The following PRKAG2 variants were observed in gnomAD, a reference collection of about 807,000 sequenced individuals.
PRKAG2 encodes protein kinase AMP-activated non-catalytic subunit gamma 2.
In PRKAG2, 26 loss-of-function variants were observed where a neutral mutation model predicts 69.6. The observed-to-expected ratio is 0.37, with a 90% confidence interval of 0.27 to 0.52. The LOEUF is 0.52. Among genes scored for constraint, PRKAG2 ranks in the 20% least tolerant of loss-of-function variants. The pLI is 0.90. For synonymous variants in PRKAG2, 293 were observed against 285.0 expected, an observed-to-expected ratio of 1.03 and a Z score of -0.28; for missense variants, 557 against 740.0, an observed-to-expected ratio of 0.75 and a Z score of 2.87.
intron 1 of PRKAG2, among the ~76,000 whole-genome samples, chr7:151,818,777 C>T (rs1032607582): frequency 6.6e-6 from 1 of 152,196 alleles, no homozygotes; most frequent in Non-Finnish European, 1.5e-5. Flanking sequence ...GCTGGGGATT[C>T]GGGGCACGGC....
intron 3 of PRKAG2, among the ~76,000 whole-genome samples, chr7:151,745,626 C>G (rs2074231353): frequency 6.6e-6 from 1 of 152,174 alleles, no homozygotes; most frequent in Non-Finnish European, 1.5e-5. Context: ...CACAGCTCCA[C>G]TCACACCAGC....
intron 1 of PRKAG2, among the ~76,000 whole-genome samples, chr7:151,797,023 G>A (rs916834810): frequency 1.3e-5 from 2 of 151,976 alleles, no homozygotes; most frequent in South Asian, 2.1e-4. Flanking sequence ...GGGCACTACC[G>A]ACTCAAGGGA....
rs2078193816 is a variant in PRKAG2, at chr7:151,807,803, GA to G, written c.115-21263del. 6.6e-6 allele frequency among the ~76,000 whole-genome samples: 1 copy of G among 152,178 alleles called. No homozygotes were observed. Among genetic ancestry groups the G allele is most frequent in the Non-Finnish European group, 1.5e-5 (1 of 68,034 alleles). ...CGGGTTATTGGATTAGCTACTCTCAGAAGACCCAAAAGGCATAGGGGAGAGA... is the reference window on the plus strand; with the variant it reads ...CGGGTTATTGGATTAGCTACTCTCAGAGACCCAAAAGGCATAGGGGAGAGA... On this transcript the variant is annotated intron_variant, in intron 1 of 15. Coordinates refer to ENST00000287878, the MANE Select transcript of PRKAG2 (RefSeq NM_016203.4). This position sits in a 1 kb window ranked among gnomAD's most constrained non-coding sequence, Gnocchi z 4.4.
At chr7:151,745,248 A>G (rs1427123027) in intron 3 of PRKAG2, among the ~76,000 whole-genome samples, 1 of 152,186 alleles carries the variant, frequency 6.6e-6, no homozygotes, top group Non-Finnish European at 1.5e-5. Context: ...ATTATGCAAG[A>G]GGGCACGGGT....
intron 1 of PRKAG2, among the ~76,000 whole-genome samples, chr7:151,793,296 G>A (rs370127327): frequency 4.6e-5 from 7 of 152,228 alleles, no homozygotes; most frequent in Admixed American, 3.3e-4. Flanking sequence ...GGGGAAGGAA[G>A]GAGCTTCCTC....
intron 1 of PRKAG2, among the ~76,000 whole-genome samples, chr7:151,795,042 TC>T (rs1424681453): frequency 6.6e-6 from 1 of 152,106 alleles, no homozygotes; most frequent in Admixed American, 6.5e-5. Context: ...GAGAGCCCCT[TC>T]CTAGTTCAGG....
At chr7:151,585,028 G>T (rs1409119398) in intron 6 of PRKAG2, among the ~76,000 whole-genome samples, 1 of 152,170 alleles carries the variant, frequency 6.6e-6, no homozygotes. Context: ...GACACATGAT[G>T]ATGGAATTTT....
intron 1 of PRKAG2, among the ~76,000 whole-genome samples, chr7:151,859,392 C>A (rs903441513): frequency 6.6e-6 from 1 of 152,306 alleles, no homozygotes; most frequent in East Asian, 1.9e-4. Context: ...CGACTGCCAG[C>A]CCCGTGGAAA....
intron 14 of PRKAG2, among the ~76,000 whole-genome samples, chr7:151,561,699 G>C (rs866047367): frequency 1.3e-4 from 20 of 152,288 alleles, no homozygotes; most frequent in African/African-American, 4.6e-4. Context: ...TTGGGAGGCC[G>C]AGGCGGGCGG....
At chr7:151,844,529 G>A (rs563210835) in intron 1 of PRKAG2, among the ~76,000 whole-genome samples, 52 of 152,264 alleles carry the variant, frequency 3.4e-4, no homozygotes, top group African/African-American at 1.1e-3. Flanking sequence ...CCCCATGAGC[G>A]AATCACAAAG....
At chr7:151,613,672 A>G (rs772444751) in intron 5 of PRKAG2, among the ~76,000 whole-genome samples, 4 of 150,510 alleles carry the variant, frequency 2.7e-5, no homozygotes, top group Non-Finnish European at 5.9e-5. Flanking sequence ...TAATTTTTGT[A>G]TTTTTAGTAG....
At chr7:151,832,489 G>A (rs544280995) in intron 1 of PRKAG2, among the ~76,000 whole-genome samples, 12 of 152,012 alleles carry the variant, frequency 7.9e-5, no homozygotes, top group South Asian at 4.2e-4. Context: ...TTAGGTCCAC[G>A]AGAAAGGGAG....
intron 1 of PRKAG2, among the ~76,000 whole-genome samples, chr7:151,843,990 C>G (rs937732960): frequency 1.3e-5 from 2 of 152,238 alleles, no homozygotes; most frequent in African/African-American, 2.4e-5. Flanking sequence ...GATTCCAAGG[C>G]CTCAGCCTGG....
chr7:151,716,918 C>T (rs952915234), intron 3 of PRKAG2, among the ~76,000 whole-genome samples: 1 of 152,056 alleles, frequency 6.6e-6, no homozygotes, highest in African/African-American at 2.4e-5. Context: ...GGAGCAGTGG[C>T]GACTTGCCCC....
intron 1 of PRKAG2, among the ~76,000 whole-genome samples, chr7:151,864,832 G>A (rs552489163): frequency 5.5e-4 from 83 of 152,218 alleles, no homozygotes; most frequent in Admixed American, 1.1e-3. Flanking sequence ...AAAGCCACTT[G>A]TCCCCAGGAC....
intron 1 of PRKAG2, among the ~76,000 whole-genome samples, chr7:151,845,910 TCA>T (rs947202875): frequency 5.1e-4 from 78 of 152,268 alleles, no homozygotes; most frequent in African/African-American, 1.8e-3. Context: ...GGCTGGATTT[TCA>T]CACACACAGT....
intron 3 of PRKAG2, among the ~76,000 whole-genome samples, chr7:151,681,384 A>C (rs111546602): frequency 6.6e-6 from 1 of 152,224 alleles, no homozygotes; most frequent in African/African-American, 2.4e-5. Context: ...AACAGGTGGC[A>C]CTCTGGACTA....
At chr7:151,732,603 C>T (rs138739813) in intron 3 of PRKAG2, among the ~76,000 whole-genome samples, 4 of 152,326 alleles carry the variant, frequency 2.6e-5, no homozygotes, top group South Asian at 4.1e-4. Flanking sequence ...GGAGAACCTG[C>T]GATGCTGCAA....
chr7:151,606,240 G>A lies in PRKAG2; in HGVS notation c.755-10786C>T, dbSNP rs543438572. ...GGAATAAGGACAGATTATTACTGATGTAATAAAACAACATCAATCACAACA... is the reference window on the plus strand; with the variant it reads ...GGAATAAGGACAGATTATTACTGATATAATAAAACAACATCAATCACAACA... On this transcript the variant is annotated intron_variant, in intron 5 of 15. Coordinates refer to ENST00000287878, the MANE Select transcript of PRKAG2 (RefSeq NM_016203.4). Among the ~76,000 whole-genome samples, 14 of 152,216 alleles carry A rather than the reference G, an allele frequency of 9.2e-5. No individual in the cohort carries two copies. In the South Asian group the frequency reaches 2.5e-3, roughly 27 times the overall value.
Sources: allele counts gnomAD v4.1 joint callset (sites outside exome capture counted in the v4.1 genomes callset), GRCh38; gene constraint gnomAD v4.1.1; non-coding constraint Gnocchi (gnomAD v3.1); transcripts MANE v1.5; gene names NCBI Gene and HGNC (gene_info 2026-07-23, HGNC 2026-07-21).